The following TMCC3 variants were observed in gnomAD, a reference collection of about 807,000 sequenced individuals.
TMCC3 encodes the protein transmembrane and coiled-coil domain protein 3.
In TMCC3, 28 loss-of-function variants were observed where a neutral mutation model predicts 40.2. The ratio of observed to expected loss-of-function variants is 0.70; its 90% CI spans 0.52 to 0.95. The LOEUF (loss-of-function observed/expected upper bound fraction) is 0.95. TMCC3 is among the 40% of genes least tolerant of loss of function. The pLI is 0.00. For missense variants in TMCC3, 554 were observed against 615.2 expected (o/e 0.90, Z 1.05); for synonymous variants, 255 against 248.5 (o/e 1.03, Z -0.25).
Position 94,582,354 on chromosome 12 carries a change from G to T in TMCC3, c.263C>A (p.Ser88Ter). The T allele has an allele frequency of 6.2e-7, 1 of 1,613,914 alleles. No homozygotes were observed. Among genetic ancestry groups the T allele is most frequent in the Non-Finnish European group, 8.5e-7 (1 of 1,180,002 alleles). The change falls in exon 2 of 4, where the codon TCG becomes TAG. Residue 88 changes from serine (S) to a stop codon, truncating the protein, a stop_gained. Coordinates refer to ENST00000261226, the MANE Select transcript of TMCC3 (RefSeq NM_020698.4). LOFTEE classifies it high-confidence loss of function. Reference protein sequence around the residue: ...VTEQIKIEQTSRDGNVAEYLK... With the variant: ...VTEQIKIEQT The stretch of plus-strand genomic sequence containing the variant: ...ATACTCCGCAACATTCCCATCGCGC[G>T]ATGTTTGCTCAATTTTTATCTGCTC...
At chr12:94,639,805 G>A (rs1349595757) in intron 1 of TMCC3, among the ~76,000 whole-genome samples, 1 of 150,004 alleles carries the variant, frequency 6.7e-6, no homozygotes, top group Admixed American at 6.6e-5. Context: ...AAAGAAGCAG[G>A]CTATAAAAAT....
intron 3 of TMCC3, 102 bp downstream of exon 3, chr12:94,578,292 G>T: frequency 7.2e-7 from 1 of 1,386,588 alleles, no homozygotes; most frequent in Non-Finnish European, 9.7e-7. Context: ...TGTGCCATGT[G>T]CCAGAAACCC....
intron 1 of TMCC3, among the ~76,000 whole-genome samples, chr12:94,624,904 G>A (rs2068895286): frequency 6.6e-6 from 1 of 152,084 alleles, no homozygotes; most frequent in Non-Finnish European, 1.5e-5. Context: ...ACTTTGGGAG[G>A]CCGAGGCGGG....
rs1170735502 is a variant in TMCC3, at chr12:94,650,373, G to C, written c.58C>G (p.His20Asp). 2 of 1,341,060 alleles carry C rather than the reference G, an allele frequency of 1.5e-6. No individual in the cohort carries two copies. The allele number at this position is 1,341,060 out of a possible 1,614,324, so 83.1% of individuals were successfully genotyped here. Residue 20 changes from histidine (H) to aspartate (D), a missense_variant, in exon 1 of 4, where the codon CAC becomes GAC. His to Asp is a moderately conservative substitution (Grantham distance 81, BLOSUM62 -1). Transcript: ENST00000261226. ...VDRTYSYPGR[H>D]HRCKSRVERH... ...CTCACCCGGCTCTTGCAGCGGTGGT[G>C]CCGGCCGGGGTACGAGTAGGTCCGG...
At chr12:94,624,171 A>G (rs896837931) in intron 1 of TMCC3, among the ~76,000 whole-genome samples, 4 of 152,210 alleles carry the variant, frequency 2.6e-5, no homozygotes, top group African/African-American at 9.6e-5. Flanking sequence ...GAACCCTCAT[A>G]CACTGGTAGT....
chr12:94,581,915 C>T lies in TMCC3; in HGVS notation c.702G>A (p.Ala234=), dbSNP rs201555160. The T allele has an allele frequency of 3.3e-5, 54 of 1,614,242 alleles. No homozygotes were observed. The highest frequency in any genetic ancestry group is 1.6e-4 in the Middle Eastern group (1 of 6,062). The change falls in exon 2 of 4, where the codon GCG becomes GCA. Residue 234 remains alanine (A), a synonymous_variant. Transcript: ENST00000261226. ...CGCTGCCCCCGTAGGCCCTGGCACT[C>T]GCCTCTGGCCTAAACTCCTCTAAGG... The part of the protein sequence containing the change: ...KNSLEEFRPE[A]SARAYGGSAT...
At chr12:94,619,513 G>A (rs1214680101) in intron 1 of TMCC3, among the ~76,000 whole-genome samples, 2 of 152,190 alleles carry the variant, frequency 1.3e-5, no homozygotes, top group Non-Finnish European at 2.9e-5. Context: ...CCTGTGGTTA[G>A]TAGACATGGA....
At chr12:94,578,064 G>A (rs568548414) in intron 3 of TMCC3, among the ~76,000 whole-genome samples, 1 of 142,196 alleles carries the variant, frequency 7.0e-6, no homozygotes, top group African/African-American at 2.6e-5. Context: ...CAGAAGAATC[G>A]TTTGAACTCG....
At chr12:94,572,962 G>A (rs1029674737) in intron 3 of TMCC3, among the ~76,000 whole-genome samples, 4 of 152,136 alleles carry the variant, frequency 2.6e-5, no homozygotes, top group African/African-American at 7.2e-5. Context: ...AGACACAGAT[G>A]GCTACAAGTG....
intron 2 of TMCC3, among the ~76,000 whole-genome samples, chr12:94,580,101 T>A (rs2068591249): frequency 6.6e-6 from 1 of 152,212 alleles, no homozygotes. Flanking sequence ...AAACAATAAG[T>A]AAACTAAATT....
At chr12:94,649,662 G>A (rs2069042018) in intron 1 of TMCC3, among the ~76,000 whole-genome samples, 2 of 152,224 alleles carry the variant, frequency 1.3e-5, no homozygotes, top group African/African-American at 4.8e-5. Context: ...CTTGGGCTGC[G>A]GCCTCCGTCT....
chr12:94,579,937 T>C (rs2068590250), intron 2 of TMCC3, among the ~76,000 whole-genome samples: 1 of 152,234 alleles, frequency 6.6e-6, no homozygotes. Context: ...AGAACTGACG[T>C]TCATACTCTG....
intron 1 of TMCC3, among the ~76,000 whole-genome samples, chr12:94,590,260 A>ATTTTTTTTT (rs72186655): frequency 8.2e-5 from 7 of 85,358 alleles, no homozygotes; most frequent in Non-Finnish European, 1.2e-4. Context: ...CGCCCTGCTA[A>ATTTTTTTTT]TTTTTTTTTT....
rs1363426002 is a variant in TMCC3, at chr12:94,571,423, G to A, written c.*12C>T. 1.2e-6 allele frequency: 2 copies of A among 1,606,174 alleles called. No homozygotes were observed. Among genetic ancestry groups the A allele is most frequent in the Non-Finnish European group, 1.7e-6 (2 of 1,173,716 alleles). ...AAAACTTGAAAGAACTTGAAGGCAG[G>A]AACCAGTGGCTTCATCTTGGTATTA... On this transcript the variant is annotated 3_prime_UTR_variant, in exon 4 of 4. Transcript: ENST00000261226.
intron 1 of TMCC3, among the ~76,000 whole-genome samples, chr12:94,628,752 A>C (rs2138874477): frequency 1.3e-5 from 2 of 152,352 alleles, no homozygotes; most frequent in Admixed American, 1.3e-4. Flanking sequence ...GTGGTGGAGA[A>C]ATGGGGATGA....
At chr12:94,634,864 T>C (rs2068952024) in intron 1 of TMCC3, among the ~76,000 whole-genome samples, 1 of 152,242 alleles carries the variant, frequency 6.6e-6, no homozygotes, top group African/African-American at 2.4e-5. Flanking sequence ...TACTTGATAA[T>C]TTGCTTAAGT....
At chr12:94,589,549 T>C (rs2068659449) in intron 1 of TMCC3, among the ~76,000 whole-genome samples, 1 of 152,202 alleles carries the variant, frequency 6.6e-6, no homozygotes, top group Non-Finnish European at 1.5e-5. Context: ...CCTTTCTTAA[T>C]TGTTAAAAAC....
chr12:94,591,986 A>G (rs1401939362), intron 1 of TMCC3, among the ~76,000 whole-genome samples: 1 of 152,204 alleles, frequency 6.6e-6, no homozygotes, highest in African/African-American at 2.4e-5. Context: ...TACTAGAAAC[A>G]TATTACTACC....
At chr12:94,590,035 T>C (rs1253047983) in intron 1 of TMCC3, among the ~76,000 whole-genome samples, 2 of 149,516 alleles carry the variant, frequency 1.3e-5, no homozygotes, top group Non-Finnish European at 3.0e-5. Flanking sequence ...GAAATAATCG[T>C]GGCTGTAACT....
Sources: gnomAD v4.1 joint callset for allele counts (sites outside exome capture counted in the v4.1 genomes callset) on GRCh38, gnomAD v4.1.1 for gene constraint, MANE v1.5 for transcripts, NCBI Gene and HGNC (gene_info 2026-07-23, HGNC 2026-07-21) for gene names.